Variants in MAF observed in about 807,000 individuals in gnomAD.
MAF encodes MAF bZIP transcription factor.
Under a neutral mutation model 22.0 loss-of-function variants are expected in MAF, and 10 were observed. The ratio of observed to expected loss-of-function variants is 0.45; its 90% CI spans 0.28 to 0.77. The LOEUF (loss-of-function observed/expected upper bound fraction) is 0.77, where lower values mean the gene tolerates loss of function less well. MAF is among the 30% of genes least tolerant of loss of function. MAF has a pLI of 0.12. For synonymous variants in MAF, 337 were observed against 255.8 expected, an observed-to-expected ratio of 1.32 and a Z score of -3.03; for missense variants, 544 against 548.4, an observed-to-expected ratio of 0.99 and a Z score of 0.08.
At chr16:79,474,555 T>A in the MAF span, among the ~76,000 whole-genome samples, 1 of 152,142 alleles carries the variant, frequency 6.6e-6, no homozygotes. Flanking sequence ...AAAAGGCTGA[T>A]AAGGTTGGGC....
the MAF span, among the ~76,000 whole-genome samples, chr16:79,350,901 G>A: frequency 7.3e-5 from 11 of 150,312 alleles, no homozygotes; most frequent in East Asian, 2.1e-3. Context: ...GTGTGTGTGT[G>A]TGCGTGTGAA....
chr16:79,528,617 C>T, the MAF span, among the ~76,000 whole-genome samples: 1 of 148,526 alleles, frequency 6.7e-6, no homozygotes, highest in Admixed American at 6.7e-5. Context: ...TAATAAAACA[C>T]AGTTTGACTT....
the MAF span, among the ~76,000 whole-genome samples, chr16:79,409,667 G>A: frequency 5.9e-5 from 9 of 152,194 alleles, no homozygotes; most frequent in African/African-American, 1.9e-4. Context: ...GGTATAAACA[G>A]CAACGCTCAA....
chr16:79,557,542 C>G, the MAF span, among the ~76,000 whole-genome samples: 1 of 152,166 alleles, frequency 6.6e-6, no homozygotes, highest in African/African-American at 2.4e-5. Flanking sequence ...CTGCCGTTTA[C>G]TACTTACGTG....
the MAF span, among the ~76,000 whole-genome samples, chr16:79,334,605 A>G: frequency 1.3e-5 from 2 of 152,170 alleles, no homozygotes; most frequent in Admixed American, 6.5e-5. Flanking sequence ...TTGCTAAAAA[A>G]TTCTTAGGAC....
the MAF span, among the ~76,000 whole-genome samples, chr16:79,418,058 A>T: frequency 6.6e-6 from 1 of 152,018 alleles, no homozygotes; most frequent in Non-Finnish European, 1.5e-5. Context: ...GAAAAAGAAA[A>T]TCCTTGACCC....
At chr16:79,563,322 A>G in the MAF span, among the ~76,000 whole-genome samples, 1 of 152,230 alleles carries the variant, frequency 6.6e-6, no homozygotes, top group African/African-American at 2.4e-5. Context: ...CTCTAGAACT[A>G]AATTATTAAT....
the MAF span, among the ~76,000 whole-genome samples, chr16:79,339,611 A>G: frequency 5.9e-5 from 9 of 152,330 alleles, no homozygotes; most frequent in East Asian, 1.7e-3. Context: ...GACTATTCTA[A>G]CTAATACAAT....
the MAF span, among the ~76,000 whole-genome samples, chr16:79,436,746 T>G: frequency 6.6e-6 from 1 of 152,214 alleles, no homozygotes; most frequent in Non-Finnish European, 1.5e-5. Flanking sequence ...TCACTGGTCA[T>G]CTTCCCCTAA....
chr16:79,566,663 T>A, the MAF span, among the ~76,000 whole-genome samples: 1 of 152,078 alleles, frequency 6.6e-6, no homozygotes, highest in East Asian at 1.9e-4. Flanking sequence ...ATGTCCCCCA[T>A]CCCCCAGCCT....
At chr16:79,519,978 T>C in the MAF span, among the ~76,000 whole-genome samples, 1 of 152,214 alleles carries the variant, frequency 6.6e-6, no homozygotes, top group Non-Finnish European at 1.5e-5. Context: ...ACTCTGTCTG[T>C]GCAGGTGGAG....
At chr16:79,289,596 TGACCATCA>T in the MAF span, among the ~76,000 whole-genome samples, 1,165 of 152,290 alleles carry the variant, frequency 7.6e-3, 17 homozygotes, top group African/African-American at 0.026. Context: ...GTCATGGCTG[TGACCATCA>T]GACAAGACCT....
At chr16:79,330,068 C>G in the MAF span, among the ~76,000 whole-genome samples, 1 of 152,142 alleles carries the variant, frequency 6.6e-6, no homozygotes, top group Admixed American at 6.5e-5. Flanking sequence ...TTTTACTAAT[C>G]AAGTAGCAAG....
At chr16:79,234,338 G>A in the MAF span, among the ~76,000 whole-genome samples, 2 of 152,112 alleles carry the variant, frequency 1.3e-5, no homozygotes, top group African/African-American at 4.8e-5. Context: ...TTATTAAAAA[G>A]CAATAGCTTG....
the MAF span, among the ~76,000 whole-genome samples, chr16:79,232,759 T>TA: frequency 6.6e-6 from 1 of 151,836 alleles, no homozygotes; most frequent in East Asian, 1.9e-4. Context: ...TTGATAGGAT[T>TA]AGATAATGCA....
At chr16:79,334,155 T>C in the MAF span, among the ~76,000 whole-genome samples, 1 of 152,162 alleles carries the variant, frequency 6.6e-6, no homozygotes, top group Non-Finnish European at 1.5e-5. Context: ...AGAACGTTCA[T>C]AGCAGCTTTA....
At chr16:79,543,174 T>C in the MAF span, among the ~76,000 whole-genome samples, 1 of 152,188 alleles carries the variant, frequency 6.6e-6, no homozygotes, top group Non-Finnish European at 1.5e-5. Context: ...AAAAGCAGAT[T>C]TTTCTCAGGC....
At chr16:79,397,477 C>CT in the MAF span, among the ~76,000 whole-genome samples, 3 of 152,128 alleles carry the variant, frequency 2.0e-5, no homozygotes, top group Non-Finnish European at 4.4e-5. Flanking sequence ...CCAGAATGTT[C>CT]TTTTTTAGAA....
the MAF span, among the ~76,000 whole-genome samples, chr16:79,328,096 C>T: frequency 3.3e-5 from 5 of 152,212 alleles, no homozygotes; most frequent in Non-Finnish European, 7.3e-5. Flanking sequence ...AAGTTGCTTT[C>T]ATCCCTGCAG....
Sources: allele counts gnomAD v4.1 joint callset (sites outside exome capture counted in the v4.1 genomes callset), GRCh38; gene constraint gnomAD v4.1.1; transcripts MANE v1.5; gene names NCBI Gene and HGNC (gene_info 2026-07-23, HGNC 2026-07-21).